Variants in SIPA1L1 observed in about 807,000 individuals in gnomAD.
SIPA1L1 encodes signal induced proliferation associated 1 like 1.
SIPA1L1 carries 26 observed loss-of-function variants against 162.7 expected under a neutral mutation model. The observed-to-expected ratio is 0.16, with a 90% CI of 0.12 to 0.22. SIPA1L1 has a LOEUF of 0.22. SIPA1L1 is among the 10% of genes least tolerant of loss of function. SIPA1L1 has a pLI of 1.00. For missense variants in SIPA1L1, 1,874 were observed against 2,241.0 expected (o/e 0.84, Z 3.31); for synonymous variants, 829 against 837.4 (o/e 0.99, Z 0.17).
At chr14:71,686,687 CG>C (rs919945266) in intron 13 of SIPA1L1, among the ~76,000 whole-genome samples, 1 of 152,082 alleles carries the variant, frequency 6.6e-6, no homozygotes, top group African/African-American at 2.4e-5. Context: ...GGGATTACAG[CG>C]TGAGCCACCA....
chr14:71,385,573 A>G (rs554587287), intron 2 of SIPA1L1, among the ~76,000 whole-genome samples: 15 of 152,258 alleles, frequency 9.9e-5, no homozygotes, highest in African/African-American at 3.4e-4. Flanking sequence ...TAAAAAGAAA[A>G]GTGAATTTAA....
chr14:71,694,225 CGTGTGTGTGTGCGTGTGTGTAT>C (rs2081455875), intron 13 of SIPA1L1, among the ~76,000 whole-genome samples: 1 of 151,618 alleles, frequency 6.6e-6, no homozygotes, highest in Admixed American at 6.6e-5. Context: ...GTTAGAAATC[CGTGTGTGTGTGCGTGTGTGTAT>C]GTGTGTGTGT....
At chr14:71,464,232 A>G (rs2046815642) in intron 2 of SIPA1L1, among the ~76,000 whole-genome samples, 1 of 152,156 alleles carries the variant, frequency 6.6e-6, no homozygotes, top group Non-Finnish European at 1.5e-5. Flanking sequence ...ACATCAAACC[A>G]AGGGAGATCA....
At chr14:71,554,932 A>C (rs1448742228) in intron 4 of SIPA1L1, among the ~76,000 whole-genome samples, 3 of 152,116 alleles carry the variant, frequency 2.0e-5, no homozygotes, top group African/African-American at 7.2e-5. Flanking sequence ...GGCTCTCGAT[A>C]CATATTCCTA....
intron 4 of SIPA1L1, among the ~76,000 whole-genome samples, chr14:71,531,010 A>G (rs187717472): frequency 6.6e-6 from 1 of 152,358 alleles, no homozygotes; most frequent in Non-Finnish European, 1.5e-5. Flanking sequence ...ATGGTCAATG[A>G]GTTTGAACCA....
At chr14:71,412,120 G>A (rs2042447857) in intron 2 of SIPA1L1, among the ~76,000 whole-genome samples, 1 of 152,174 alleles carries the variant, frequency 6.6e-6, no homozygotes, top group African/African-American at 2.4e-5. Context: ...TATTCTATGG[G>A]TGCAAGCTGC....
intron 10 of SIPA1L1, among the ~76,000 whole-genome samples, chr14:71,669,234 C>T (rs1424608039): frequency 7.9e-5 from 12 of 152,128 alleles, no homozygotes; most frequent in Admixed American, 7.2e-4. Context: ...CCTCACAGTT[C>T]ATTATAGCTG....
chr14:71,561,866 C>T (rs567469238), intron 4 of SIPA1L1, among the ~76,000 whole-genome samples: 5 of 152,328 alleles, frequency 3.3e-5, no homozygotes, highest in Admixed American at 6.5e-5. Context: ...GGATTACTGG[C>T]GTGAGCCACC....
intron 2 of SIPA1L1, among the ~76,000 whole-genome samples, chr14:71,367,421 C>T (rs1165403330): frequency 6.6e-6 from 1 of 151,648 alleles, no homozygotes; most frequent in Non-Finnish European, 1.5e-5. Context: ...ATTCTCCTGC[C>T]TCAGCCTCTC....
intron 5 of SIPA1L1, among the ~76,000 whole-genome samples, chr14:71,612,428 A>G (rs956079122): frequency 2.0e-5 from 3 of 152,126 alleles, no homozygotes; most frequent in Admixed American, 6.6e-5. Flanking sequence ...ATTCATGTTT[A>G]TGATGTCTAT....
At chr14:71,662,423 A>C (rs1375450197) in intron 10 of SIPA1L1, among the ~76,000 whole-genome samples, 1 of 152,228 alleles carries the variant, frequency 6.6e-6, no homozygotes, top group East Asian at 1.9e-4. Flanking sequence ...TATTCTAGAC[A>C]TCTTACATGT....
intron 2 of SIPA1L1, among the ~76,000 whole-genome samples, chr14:71,422,437 A>G (rs762596561): frequency 2.6e-5 from 4 of 152,172 alleles, no homozygotes; most frequent in Non-Finnish European, 5.9e-5. Context: ...TTTTCATTTC[A>G]GTAAAACTGA....
intron 2 of SIPA1L1, among the ~76,000 whole-genome samples, chr14:71,364,546 C>A (rs922847170): frequency 2.6e-5 from 4 of 152,040 alleles, no homozygotes; most frequent in South Asian, 4.2e-4. Flanking sequence ...ATTGCTGAGT[C>A]CTGTCCCAGT....
At position 71,384,058 on chromosome 14, in the gene SIPA1L1, A is replaced by G. The variant is rs561251751; in HGVS notation, c.-465+62877A>G. Reference sequence around the variant, plus strand: ...TTTCATATAGGGTTTGTTAGGTGGCAGGGTCATTATGTGCTTGTTTTTTTT... The same window carrying G: ...TTTCATATAGGGTTTGTTAGGTGGCGGGGTCATTATGTGCTTGTTTTTTTT... On this transcript the variant is annotated intron_variant, in intron 2 of 23. Coordinates refer to ENST00000381232, the MANE Select transcript of SIPA1L1 (RefSeq NM_001386936.1). Among the ~76,000 whole-genome samples the G allele has an allele frequency of 5.3e-5, 8 of 152,208 alleles. No individual in the cohort carries two copies. The South Asian group carries it at 1.0e-3, about 20-fold the overall frequency.
At chr14:71,575,144 C>G (rs1439761293) in intron 4 of SIPA1L1, 1 of 152,156 alleles carries the variant, frequency 6.6e-6, no homozygotes, top group Non-Finnish European at 1.5e-5. Context: ...GGAGGAGGTC[C>G]TTTGCTGCTT....
chr14:71,511,521 T>A (rs2051150718), intron 2 of SIPA1L1, among the ~76,000 whole-genome samples: 1 of 152,142 alleles, frequency 6.6e-6, no homozygotes, highest in Non-Finnish European at 1.5e-5. Flanking sequence ...ACTCCTGGGC[T>A]CAAGCAATGT....
intron 2 of SIPA1L1, among the ~76,000 whole-genome samples, chr14:71,391,723 A>T (rs907054870): frequency 6.6e-6 from 1 of 152,200 alleles, no homozygotes; most frequent in Admixed American, 6.5e-5. Flanking sequence ...ACTAGAGTAC[A>T]TTCTAAAGAG....
chr14:71,484,651 C>A (rs952834838), intron 2 of SIPA1L1, among the ~76,000 whole-genome samples: 1 of 152,046 alleles, frequency 6.6e-6, no homozygotes, highest in Non-Finnish European at 1.5e-5. Context: ...TGAATCTGGA[C>A]GTGATACTCA....
rs141626606 is a variant in SIPA1L1, at chr14:71,725,595, C to T, written c.4614+760C>T. On this transcript the variant is annotated intron_variant, in intron 19 of 23. Coordinates refer to ENST00000381232, the MANE Select transcript of SIPA1L1 (RefSeq NM_001386936.1). Reference sequence around the variant, plus strand: ...CATGGAAAGGTTTGTGTACTCGTCTCAGCTTGTAAGACCTTTGGAAACTCA... The same window carrying T: ...CATGGAAAGGTTTGTGTACTCGTCTTAGCTTGTAAGACCTTTGGAAACTCA... 7.2e-4 allele frequency among the ~76,000 whole-genome samples: 110 copies of T among 152,316 alleles called. No homozygotes were observed. The East Asian group carries it at 0.019, about 27-fold the overall frequency.
Sources: gnomAD v4.1 joint callset for allele counts (sites outside exome capture counted in the v4.1 genomes callset) on GRCh38, gnomAD v4.1.1 for gene constraint, MANE v1.5 for transcripts, NCBI Gene and HGNC (gene_info 2026-07-23, HGNC 2026-07-21) for gene names.